Variants in TBC1D1 observed in about 807,000 individuals in gnomAD.
The protein encoded by TBC1D1 is TBC1 domain family member 1, also known as TBC1 (tre-2/USP6, BUB2, cdc16) domain family, member 1.
TBC1D1 carries 89 observed loss-of-function variants against 125.6 expected under a neutral mutation model. That is an observed-to-expected ratio of 0.71 (90% CI 0.60 to 0.85). The LOEUF (loss-of-function observed/expected upper bound fraction) is 0.85. Ranked by LOEUF, TBC1D1 falls within the 40% of genes least tolerant of loss-of-function variation. The probability of loss-of-function intolerance (pLI) is 0.00; values close to 1 mark genes in which losing one functional copy is unlikely to be tolerated. For synonymous variants in TBC1D1, 565 were observed against 564.1 expected, an observed-to-expected ratio of 1.00 and a Z score of -0.02; for missense variants, 1,377 against 1,469.2, an observed-to-expected ratio of 0.94 and a Z score of 1.03.
intron 10 of TBC1D1, among the ~76,000 whole-genome samples, chr4:38,047,809 G>A (rs183607870): frequency 6.6e-6 from 1 of 152,296 alleles, no homozygotes; most frequent in East Asian, 1.9e-4. Flanking sequence ...AAATCTTGGT[G>A]TAGGAATTGT....
chr4:38,075,401 TGATTTCTTTCAG>T (rs1280664034), intron 12 of TBC1D1, among the ~76,000 whole-genome samples: 5 of 152,184 alleles, frequency 3.3e-5, no homozygotes, highest in African/African-American at 1.2e-4. Context: ...CTTCCCAAGT[TGATTTCTTTCAG>T]GATATGGGCC....
chr4:37,933,257 A>C (rs775776772), intron 2 of TBC1D1, among the ~76,000 whole-genome samples: 1 of 152,100 alleles, frequency 6.6e-6, no homozygotes, highest in Non-Finnish European at 1.5e-5. Flanking sequence ...ATATATAGCT[A>C]CATATACACC....
chr4:37,987,911 C>A (rs1038460514), intron 2 of TBC1D1, among the ~76,000 whole-genome samples: 4 of 152,228 alleles, frequency 2.6e-5, no homozygotes, highest in African/African-American at 9.6e-5. Flanking sequence ...GTCGATTCTG[C>A]ATAGACTCTC....
intron 12 of TBC1D1, among the ~76,000 whole-genome samples, chr4:38,064,605 C>T (rs1449186826): frequency 4.0e-5 from 6 of 151,204 alleles, no homozygotes; most frequent in African/African-American, 1.5e-4. Context: ...AGGTTGGTAG[C>T]ATTCACACAG....
At position 37,950,956 on chromosome 4, in the gene TBC1D1, G is replaced by T. The variant is rs1338392262; in HGVS notation, c.417+48444G>T. Among the ~76,000 whole-genome samples the T allele has an allele frequency of 3.3e-5, 5 of 151,920 alleles. No homozygotes were observed. The South Asian group carries it at 1.0e-3, about 32-fold the overall frequency. On this transcript the variant is annotated intron_variant, in intron 2 of 19. Coordinates refer to ENST00000261439, the MANE Select transcript of TBC1D1 (RefSeq NM_015173.4). ...ATATTTCTTTTTTAGTAGAGACAGGGTTTCACCATGTTGGCCAAGCTGGTC... is the reference window on the plus strand; with the variant it reads ...ATATTTCTTTTTTAGTAGAGACAGGTTTTCACCATGTTGGCCAAGCTGGTC...
chr4:37,927,098 G>C (rs1043930757), intron 2 of TBC1D1, among the ~76,000 whole-genome samples: 1 of 151,826 alleles, frequency 6.6e-6, no homozygotes, highest in East Asian at 1.9e-4. Flanking sequence ...CAGCCTGGGG[G>C]ACAGAGCGAA....
At chr4:37,914,953 A>G (rs985297687) in intron 2 of TBC1D1, among the ~76,000 whole-genome samples, 1 of 152,236 alleles carries the variant, frequency 6.6e-6, no homozygotes, top group African/African-American at 2.4e-5. Flanking sequence ...ATGCCTTCAT[A>G]TTACTCATCA....
intron 7 of TBC1D1, among the ~76,000 whole-genome samples, chr4:38,034,074 G>A (rs1746738016): frequency 6.6e-6 from 1 of 152,222 alleles, no homozygotes; most frequent in African/African-American, 2.4e-5. Flanking sequence ...ACAAGAAACT[G>A]CTGGCCTGTT....
chr4:38,117,817 C>T (rs987971744), intron 16 of TBC1D1, among the ~76,000 whole-genome samples: 9 of 152,210 alleles, frequency 5.9e-5, no homozygotes, highest in Admixed American at 2.0e-4. Context: ...CCAGCGTTAG[C>T]GTCCTGGGCC....
intron 2 of TBC1D1, among the ~76,000 whole-genome samples, chr4:37,971,886 G>C (rs565745573): frequency 1.3e-5 from 2 of 152,292 alleles, no homozygotes; most frequent in African/African-American, 4.8e-5. Context: ...TTTAATAATT[G>C]AGAATGCATT....
chr4:37,911,737 A>T (rs571275326), intron 2 of TBC1D1, among the ~76,000 whole-genome samples: 1 of 152,216 alleles, frequency 6.6e-6, no homozygotes, highest in East Asian at 1.9e-4. Context: ...CAAACAACGC[A>T]TGATTGTGCC....
At chr4:38,121,635 T>C (rs749643696) in intron 17 of TBC1D1, among the ~76,000 whole-genome samples, 8 of 152,208 alleles carry the variant, frequency 5.3e-5, no homozygotes, top group Non-Finnish European at 1.0e-4. Context: ...GTTCACTGTC[T>C]CCTAGGGAGG....
intron 3 of TBC1D1, among the ~76,000 whole-genome samples, chr4:38,015,693 C>G (rs1742566548): frequency 6.6e-6 from 1 of 152,134 alleles, no homozygotes; most frequent in South Asian, 2.1e-4. Context: ...TCTTCCTTGG[C>G]CTTCTCTTTG....
At chr4:38,089,322 A>C (rs982573833) in intron 12 of TBC1D1, among the ~76,000 whole-genome samples, 28 of 152,228 alleles carry the variant, frequency 1.8e-4, no homozygotes, top group African/African-American at 6.8e-4. Context: ...AAGGTCTGCT[A>C]GTGGTTACTG....
intron 2 of TBC1D1, among the ~76,000 whole-genome samples, chr4:37,938,139 G>A (rs985676439): frequency 6.6e-6 from 1 of 152,128 alleles, no homozygotes; most frequent in South Asian, 2.1e-4. Flanking sequence ...CCAGTTACTT[G>A]AGAGGTTTAG....
At chr4:38,133,318 C>T in intron 19 of TBC1D1, 61 bp downstream of exon 21, 1 of 1,493,420 alleles carries the variant, frequency 6.7e-7, no homozygotes, top group South Asian at 1.2e-5. Flanking sequence ...CATTAACTCA[C>T]CAAAGGCAAC....
At chr4:38,132,464 G>A (rs550464526) in intron 18 of TBC1D1, among the ~76,000 whole-genome samples, 46 of 152,134 alleles carry the variant, frequency 3.0e-4, no homozygotes, top group Non-Finnish European at 5.6e-4. Flanking sequence ...TGGTGTTTTC[G>A]TCACCATTAC....
chr4:38,069,684 C>T (rs1427100095), intron 12 of TBC1D1, among the ~76,000 whole-genome samples: 2 of 152,116 alleles, frequency 1.3e-5, no homozygotes, highest in Admixed American at 1.3e-4. Context: ...GGGGCACCCA[C>T]GTAGCTGGCT....
At chr4:38,124,810 T>C in intron 17 of TBC1D1, 152 bp from the exon 20 acceptor site, 2 of 587,658 alleles carry the variant, frequency 3.4e-6, no homozygotes. Context: ...CAACACTGTC[T>C]GAGATATCAG....
Sources: gnomAD v4.1 joint callset for allele counts (sites outside exome capture counted in the v4.1 genomes callset) on GRCh38, gnomAD v4.1.1 for gene constraint, MANE v1.5 for transcripts, NCBI Gene and HGNC (gene_info 2026-07-23, HGNC 2026-07-21) for gene names.